The following QSER1 variants were observed in gnomAD, a reference collection of about 807,000 sequenced individuals.
The protein encoded by QSER1 is glutamine and serine rich 1.
A neutral mutation model predicts 158.5 loss-of-function variants in QSER1; 49 were observed. That is an observed-to-expected ratio of 0.31 (90% CI 0.25 to 0.39). The LOEUF is 0.39. QSER1 is among the 10% of genes least tolerant of loss of function. The probability of loss-of-function intolerance (pLI) is 1.00; values close to 1 mark genes in which losing one functional copy is unlikely to be tolerated. For missense variants in QSER1, 1,754 were observed against 2,010.3 expected, an observed-to-expected ratio of 0.87 and a Z score of 2.44; for synonymous variants, 650 against 715.5, an observed-to-expected ratio of 0.91 and a Z score of 1.46.
chr11:32,955,828 A>G lies in QSER1; in HGVS notation c.4618-160A>G, dbSNP rs1852501527. Reference sequence around the variant, plus strand: ...GAGATTGCTTGTACATATGAAATCAATAATGAGCCTGGGATCAGTTTTTGA... The same window carrying G: ...GAGATTGCTTGTACATATGAAATCAGTAATGAGCCTGGGATCAGTTTTTGA... On this transcript the variant is annotated intron_variant, in intron 6 of 12. Transcript: ENST00000650167. Among the ~76,000 whole-genome samples, 2 of 152,220 alleles carry G rather than the reference A, an allele frequency of 1.3e-5. 1 individual carries two copies. Among genetic ancestry groups the G allele is most frequent in the South Asian group, 4.1e-4 (2 of 4,832 alleles).
chr11:32,894,950 C>A (rs1851536245), intron 1 of QSER1, among the ~76,000 whole-genome samples: 1 of 152,180 alleles, frequency 6.6e-6, no homozygotes, highest in Non-Finnish European at 1.5e-5. Context: ...ATGAAAATTA[C>A]TTTCTCATCA....
intron 1 of QSER1, among the ~76,000 whole-genome samples, chr11:32,913,179 CTTTTTTTTTTT>C (rs61685246): frequency 2.6e-3 from 139 of 54,352 alleles, no homozygotes; most frequent in African/African-American, 9.2e-3. Flanking sequence ...TCTCCTCTTC[CTTTTTTTTTTT>C]TTTTTTTTTT....
chr11:32,909,927 T>TA (rs1366061025), intron 1 of QSER1, among the ~76,000 whole-genome samples: 1 of 152,128 alleles, frequency 6.6e-6, no homozygotes, highest in Non-Finnish European at 1.5e-5. Context: ...TAGCTATGTT[T>TA]AAAAAAATGT....
chr11:32,932,350 TAGCCCA>T lies in QSER1; in HGVS notation c.1094_1099del (p.Ser365_Pro366del). 1 of 1,612,482 alleles carries T rather than the reference TAGCCCA, an allele frequency of 6.2e-7. No individual in the cohort carries two copies. Among genetic ancestry groups the T allele is most frequent in the Non-Finnish European group, 8.5e-7 (1 of 1,179,996 alleles). On this transcript the variant is annotated inframe_deletion, in exon 4 of 13. Transcript: ENST00000650167. The stretch of plus-strand genomic sequence containing the variant: ...CAACCAGGCAGTCATCTTTATCCTG[TAGCCCA>T]ATTGGAGATTCCACTCAGGTGAGCA...
intron 5 of QSER1, among the ~76,000 whole-genome samples, 156 bp from the exon 6 acceptor site, chr11:32,955,139 TA>T (rs1208918538): frequency 6.6e-6 from 1 of 152,230 alleles, no homozygotes; most frequent in East Asian, 1.9e-4. Context: ...CTGAATAACC[TA>T]ACCAGCTTAT....
At chr11:32,951,056 A>G (rs1416398915) in intron 4 of QSER1, among the ~76,000 whole-genome samples, 1 of 152,208 alleles carries the variant, frequency 6.6e-6, no homozygotes, top group East Asian at 1.9e-4. Context: ...GGAATGGCCA[A>G]ACTATTTTCC....
chr11:32,896,698 CCTTT>C (rs1343064763), intron 1 of QSER1, among the ~76,000 whole-genome samples: 1 of 152,074 alleles, frequency 6.6e-6, no homozygotes, highest in Non-Finnish European at 1.5e-5. Context: ...CTGTTTTTTG[CCTTT>C]CTAACTTGAA....
intron 8 of QSER1, among the ~76,000 whole-genome samples, chr11:32,959,579 GT>G (rs1852585003): frequency 6.6e-6 from 1 of 152,286 alleles, no homozygotes; most frequent in East Asian, 1.9e-4. Flanking sequence ...TATTCAGGAT[GT>G]AATTTTGGCA....
chr11:32,977,633 A>T lies in QSER1; in HGVS notation c.*1159A>T, dbSNP rs1853000598. 1 of 152,564 alleles carries T rather than the reference A, an allele frequency of 6.6e-6. No individual in the cohort carries two copies. Among genetic ancestry groups the T allele is most frequent in the Non-Finnish European group, 1.5e-5 (1 of 68,016 alleles). The allele number at this position is 152,564 out of a possible 1,614,324, so 9.5% of individuals were successfully genotyped here. ...TCCTTTTGGTGCCTTTCCAGCCTTT[A>T]TACACACTATTGTAGCTTTCTTAGG... On this transcript the variant is annotated 3_prime_UTR_variant, in exon 13 of 13. Transcript: ENST00000650167.
In QSER1 at chr11:32,969,064, A is replaced by G. The variant is rs376149995; in HGVS notation, c.5126A>G (p.His1709Arg). 1.2e-5 allele frequency: 19 copies of G among 1,581,474 alleles called. No individual in the cohort carries two copies. The highest frequency in any genetic ancestry group is 1.6e-5 in the Non-Finnish European group (18 of 1,158,848). ...EKSNDELLLP[H>R]MKKIDGMLND... ...GTTTCAGATGAGCTACTTTTACCTCATATGAAAAAAATAGATGGCATGCTA... is the reference window on the plus strand; with the variant it reads ...GTTTCAGATGAGCTACTTTTACCTCGTATGAAAAAAATAGATGGCATGCTA... The change falls in exon 10 of 13, where the codon CAT becomes CGT. Residue 1709 changes from histidine (H) to arginine (R), a missense_variant. By Grantham distance (29) the His-to-Arg change is conservative. Around this residue, in one of 2 missense-constraint regions of QSER1, gnomAD observed 1,707 missense variants for 1,919.6 expected, o/e 0.89. Coordinates refer to ENST00000650167, the MANE Select transcript of QSER1 (RefSeq NM_001076786.3).
chr11:32,931,695 GTAAT>G (rs1359966770), intron 3 of QSER1, 44 bp from the exon 4 acceptor site: 2 of 1,407,580 alleles, frequency 1.4e-6, no homozygotes, highest in African/African-American at 2.9e-5. Context: ...AAAACATAAA[GTAAT>G]TGTGCCATAA....
At position 32,933,559 on chromosome 11, in the gene QSER1, A is replaced by T. The variant is rs772896157; in HGVS notation, c.2301A>T (p.Ser767=). 2.2e-5 allele frequency: 36 copies of T among 1,613,940 alleles called. No homozygotes were observed. The highest frequency in any genetic ancestry group is 2.9e-5 in the Non-Finnish European group (34 of 1,179,924). Reference sequence around the variant, plus strand: ...AAAAAGAAGAAAGTGTTGTTGGTTCAGTGACACAACTTAACCAACAAATTG... The same window carrying T: ...AAAAAGAAGAAAGTGTTGTTGGTTCTGTGACACAACTTAACCAACAAATTG... ...ASKKEESVVG[S]VTQLNQQIGQ... Residue 767 remains serine, a synonymous_variant, in exon 4 of 13, where the codon TCA becomes TCT. Coordinates refer to ENST00000650167, the MANE Select transcript of QSER1 (RefSeq NM_001076786.3).
Position 32,977,234 on chromosome 11 carries a change from G to A in QSER1, c.*760G>A, listed in dbSNP as rs1417540750. 1 of 152,540 alleles carries A rather than the reference G, an allele frequency of 6.6e-6. No homozygotes were observed. Among genetic ancestry groups the A allele is most frequent in the African/African-American group, 2.4e-5 (1 of 41,436 alleles). The allele number at this position is 152,540 out of a possible 1,614,324, so 9.4% of individuals were successfully genotyped here. ...TAGTTGTATTTTTCACAAGGAAAAT[G>A]TTGTGGTTATAATTACGTTTGATAT... On this transcript the variant is annotated 3_prime_UTR_variant, in exon 13 of 13. Transcript: ENST00000650167.
At chr11:32,961,257 C>T (rs1427555704) in intron 8 of QSER1, among the ~76,000 whole-genome samples, 2 of 152,058 alleles carry the variant, frequency 1.3e-5, no homozygotes, top group Non-Finnish European at 2.9e-5. Context: ...TTTCAATTGC[C>T]TTCTCAGATA....
chr11:32,917,543 T>C (rs1851848089), intron 1 of QSER1, among the ~76,000 whole-genome samples: 1 of 152,078 alleles, frequency 6.6e-6, no homozygotes, highest in South Asian at 2.1e-4. Flanking sequence ...CCCTATTTTA[T>C]GGCCAGGTGT....
At chr11:32,924,045 T>C (rs1037330153) in intron 1 of QSER1, among the ~76,000 whole-genome samples, 3 of 152,048 alleles carry the variant, frequency 2.0e-5, no homozygotes, top group African/African-American at 7.2e-5. Flanking sequence ...ATGTGAAAAA[T>C]TTGAACCTTG....
intron 1 of QSER1, among the ~76,000 whole-genome samples, chr11:32,900,726 T>C (rs1260644011): frequency 6.6e-6 from 1 of 152,218 alleles, no homozygotes; most frequent in East Asian, 1.9e-4. Flanking sequence ...GTCTTAGGAC[T>C]TTTGCACCGG....
At position 32,958,128 on chromosome 11, in the gene QSER1, A is replaced by G. The variant is rs1207561108; in HGVS notation, c.4969+42A>G. The G allele has an allele frequency of 4.7e-6, 7 of 1,480,324 alleles. No individual in the cohort carries two copies. The South Asian group carries it at 6.9e-5, about 15-fold the overall frequency. The allele number at this position is 1,480,324 out of a possible 1,614,324, so 91.7% of individuals were successfully genotyped here. ...ATGGCTACCCTGATAACTTTAGATT[A>G]TCTACATGAGTGGTGAGGAGCAGGA... is the stretch of plus-strand genomic sequence containing the variant. On this transcript the variant is annotated intron_variant, in intron 8 of 12. Transcript: ENST00000650167.
chr11:32,945,608 T>C (rs1455393184), intron 4 of QSER1, among the ~76,000 whole-genome samples: 3 of 152,146 alleles, frequency 2.0e-5, no homozygotes, highest in Non-Finnish European at 2.9e-5. Flanking sequence ...AGAGATCCGC[T>C]GTTAGTCTGA....
Sources: gnomAD v4.1 joint callset for allele counts (sites outside exome capture counted in the v4.1 genomes callset) on GRCh38, gnomAD v4.1.1 for gene constraint, gnomAD v4.1.1 regional missense constraint, MANE v1.5 for transcripts, NCBI Gene and HGNC (gene_info 2026-07-23, HGNC 2026-07-21) for gene names.